The following BCL9 variants were observed in gnomAD, a reference collection of about 807,000 sequenced individuals.
BCL9 encodes the protein BCL9 transcription coactivator, also known as B-cell CLL/lymphoma 9 protein.
In BCL9, 25 loss-of-function variants were observed where a neutral mutation model predicts 88.5. The ratio of observed to expected loss-of-function variants is 0.28; its 90% CI spans 0.21 to 0.39. The LOEUF is 0.39. BCL9 is among the 10% of genes least tolerant of loss of function. BCL9 has a pLI of 1.00. For synonymous variants in BCL9, 711 were observed against 673.3 expected, an observed-to-expected ratio of 1.06 and a Z score of -0.87; for missense variants, 1,817 against 1,877.8, an observed-to-expected ratio of 0.97 and a Z score of 0.60.
In BCL9 at chr1:147,615,909, T is replaced by C; in HGVS notation, c.660+7T>C. 1 of 1,606,960 alleles carries C rather than the reference T, an allele frequency of 6.2e-7. No homozygotes were observed. The highest frequency in any genetic ancestry group is 8.5e-7 in the Non-Finnish European group (1 of 1,173,606). ...GAGAAGCACAGCGCCTCTGGTATGT[T>C]GTTTCAGAAACTGAGTAATGGTTTA... On this transcript the variant is annotated splice_region_variant and intron_variant, in intron 7 of 9. Transcript: ENST00000234739.
intron 1 of BCL9, among the ~76,000 whole-genome samples, chr1:147,596,402 C>CCTT (rs1553200479): frequency 1.4e-5 from 2 of 138,696 alleles, no homozygotes; most frequent in Admixed American, 1.5e-4. Context: ...GATTGACTTT[C>CCTT]TTTTTTTTCT....
intron 1 of BCL9, among the ~76,000 whole-genome samples, chr1:147,556,326 A>G (rs188327454): frequency 0.028 from 4,226 of 148,396 alleles, 106 homozygotes; most frequent in Non-Finnish European, 0.042. Context: ...GGATTTCACT[A>G]TGTTGGCTAG....
At chr1:147,557,612 C>T (rs1384585785) in intron 1 of BCL9, among the ~76,000 whole-genome samples, 4 of 152,028 alleles carry the variant, frequency 2.6e-5, no homozygotes, top group Non-Finnish European at 4.4e-5. Context: ...ATGAATTTCA[C>T]GTTGAACTAA....
At chr1:147,610,139 C>T (rs587702503) in intron 3 of BCL9, among the ~76,000 whole-genome samples, 1 of 148,774 alleles carries the variant, frequency 6.7e-6, no homozygotes, top group East Asian at 2.0e-4. Context: ...TTATATATGT[C>T]CAACTTGACA....
intron 1 of BCL9, among the ~76,000 whole-genome samples, chr1:147,571,821 G>A (rs1249340082): frequency 2.0e-5 from 3 of 152,186 alleles, no homozygotes; most frequent in African/African-American, 7.2e-5. Context: ...CATACCTGAA[G>A]CAGCATCTAA....
intron 1 of BCL9, among the ~76,000 whole-genome samples, chr1:147,559,824 A>G (rs1303385972): frequency 3.9e-5 from 6 of 152,332 alleles, no homozygotes; most frequent in Middle Eastern, 3.4e-3. Flanking sequence ...AAACAGATAG[A>G]AAAATAGTAT....
In BCL9 at chr1:147,619,824, G is replaced by A. The variant is rs782180435; in HGVS notation, c.1669G>A (p.Gly557Arg). 25 of 1,614,164 alleles carry A rather than the reference G, an allele frequency of 1.5e-5. No individual in the cohort carries two copies. The highest frequency in any genetic ancestry group is 2.1e-5 in the Non-Finnish European group (25 of 1,180,032). ...CATGGCTCCCCACCCCAACATGCCA[G>A]GGAGCCAGATGCGCCTCCCTGGATT... is the stretch of plus-strand genomic sequence containing the variant. ...RGMAPHPNMP[G>R]SQMRLPGFAG... Residue 557 changes from glycine (G) to arginine (R), a missense_variant, in exon 8 of 10, where the codon GGG becomes AGG. By Grantham distance (125) the Gly-to-Arg change is moderately radical. Around this residue, in one of 2 missense-constraint regions of BCL9, gnomAD observed 1,228 missense variants for 1,191.6 expected, o/e 1.03. Transcript: ENST00000234739. This position sits in a 1 kb window ranked among gnomAD's most constrained non-coding sequence, Gnocchi z 4.1.
intron 7 of BCL9, among the ~76,000 whole-genome samples, chr1:147,617,565 GA>G (rs1336743115): frequency 6.6e-6 from 1 of 152,120 alleles, no homozygotes. Flanking sequence ...GAAGTGCATG[GA>G]TACCTCAAAA....
chr1:147,607,145 A>G (rs957913392), intron 3 of BCL9, among the ~76,000 whole-genome samples: 13 of 152,132 alleles, frequency 8.5e-5, no homozygotes, highest in Admixed American at 1.3e-4. Context: ...GTTCATGTAC[A>G]TTGTTGCAGA....
chr1:147,584,058 T>TC (rs1489002968), intron 1 of BCL9, among the ~76,000 whole-genome samples: 1 of 151,932 alleles, frequency 6.6e-6, no homozygotes, highest in East Asian at 1.9e-4. Flanking sequence ...GATTCATTTT[T>TC]TTTTTTGAGA....
At position 147,624,578 on chromosome 1, in the gene BCL9, G is replaced by C. The variant is rs1303893564; in HGVS notation, c.3900G>C (p.Pro1300=). The C allele has an allele frequency of 6.2e-7, 1 of 1,614,146 alleles. No individual in the cohort carries two copies. The highest frequency in any genetic ancestry group is 1.7e-5 in the Admixed American group (1 of 60,024). ...GMGGPGPVGT[P]DIPLGTAPSM... is the part of the protein sequence containing the mutation. ...GAGGTCCAGGGCCAGTGGGAACTCC[G>C]GACATCCCTCTTGGTACAGCTCCAT... Residue 1300 remains proline (P), a synonymous_variant, in exon 10 of 10, where the codon CCG becomes CCC. Coordinates refer to ENST00000234739, the MANE Select transcript of BCL9 (RefSeq NM_004326.4). This position sits in a 1 kb window ranked among gnomAD's most constrained non-coding sequence, Gnocchi z 4.4.
At chr1:147,554,395 A>G (rs1655015022) in intron 1 of BCL9, among the ~76,000 whole-genome samples, 1 of 152,194 alleles carries the variant, frequency 6.6e-6, no homozygotes, top group African/African-American at 2.4e-5. Flanking sequence ...ACATTGTATA[A>G]ATTTATTTAA....
At chr1:147,554,051 G>A (rs749019926) in intron 1 of BCL9, among the ~76,000 whole-genome samples, 3 of 152,200 alleles carry the variant, frequency 2.0e-5, no homozygotes, top group Non-Finnish European at 4.4e-5. Flanking sequence ...TCTGCTCACT[G>A]TGCACCAGCA....
chr1:147,624,770 G>T lies in BCL9; in HGVS notation c.4092G>T (p.Gly1364=). 6.2e-7 allele frequency: 1 copy of T among 1,614,100 alleles called. No individual in the cohort carries two copies. The highest frequency in any genetic ancestry group is 1.1e-5 in the South Asian group (1 of 91,082). The part of the protein sequence containing the change: ...AVGMIPGKDR[G]PAGLYTHPGP... ...GCATGATTCCTGGCAAGGATCGGGG[G>T]CCTGCCGGGCTCTACACCCACCCTG... Residue 1364 remains glycine, a synonymous_variant, in exon 10 of 10, where the codon GGG becomes GGT. Coordinates refer to ENST00000234739, the MANE Select transcript of BCL9 (RefSeq NM_004326.4). The surrounding 1 kb of genome is among the most constrained non-coding windows in gnomAD (Gnocchi z 4.4).
Position 147,619,927 on chromosome 1 carries a change from G to A in BCL9, c.1772G>A (p.Ser591Asn). ...TCTAGACCAGGTCTTTCTGGAGTCA[G>A]TTGGCCAGATGATGTGCCAAAAATC... ...PASRPGLSGVSWPDDVPKIPD... is the reference protein window; with the variant it reads ...PASRPGLSGVNWPDDVPKIPD... The change falls in exon 8 of 10, where the codon AGT (serine) becomes AAT (asparagine). Residue 591 changes from serine (S) to asparagine (N), a missense_variant. Ser to Asn is a conservative substitution (Grantham distance 46, BLOSUM62 1). Transcript: ENST00000234739. This position sits in a 1 kb window ranked among gnomAD's most constrained non-coding sequence, Gnocchi z 4.1. 5 of 1,614,212 alleles carry A rather than the reference G, an allele frequency of 3.1e-6. No homozygotes were observed. The highest frequency in any genetic ancestry group is 4.2e-6 in the Non-Finnish European group (5 of 1,180,042).
At chr1:147,592,772 C>T (rs1020559917) in intron 1 of BCL9, among the ~76,000 whole-genome samples, 4 of 152,128 alleles carry the variant, frequency 2.6e-5, no homozygotes, top group Non-Finnish European at 4.4e-5. Flanking sequence ...CAACATTTAT[C>T]GGGCACTTAA....
At chr1:147,607,588 G>A (rs1488933031) in intron 3 of BCL9, among the ~76,000 whole-genome samples, 1 of 152,186 alleles carries the variant, frequency 6.6e-6, no homozygotes, top group Non-Finnish European at 1.5e-5. Flanking sequence ...ATGGCATTAA[G>A]GGATTCTTCT....
rs376211408 is a variant in BCL9 at position 147,613,165 on chromosome 1, T to G, written c.336T>G (p.Asp112Glu). The change falls in exon 5 of 10, where the codon GAT (aspartate) becomes GAG (glutamate). Residue 112 changes from aspartate to glutamate, a missense_variant. Asp to Glu is a conservative substitution (Grantham distance 45, BLOSUM62 2). Transcript: ENST00000234739. ...CCGCCGACTCCTTTGATCAGAGAGA[T>G]CCTGGGACTCCAAACGATGACTCTG... ...SISADSFDQR[D>E]PGTPNDDSDI... 1 of 1,614,178 alleles carries G rather than the reference T, an allele frequency of 6.2e-7. No homozygotes were observed. Among genetic ancestry groups the G allele is most frequent in the East Asian group, 2.2e-5 (1 of 44,876 alleles).
chr1:147,549,619 A>G (rs1437376465), intron 1 of BCL9, among the ~76,000 whole-genome samples: 1 of 152,180 alleles, frequency 6.6e-6, no homozygotes. Flanking sequence ...TTCATTTTCT[A>G]AAAAAGGTTT....
Sources: allele counts gnomAD v4.1 joint callset (sites outside exome capture counted in the v4.1 genomes callset), GRCh38; gene constraint gnomAD v4.1.1; regional missense constraint gnomAD v4.1.1; non-coding constraint Gnocchi (gnomAD v3.1); transcripts MANE v1.5; gene names NCBI Gene and HGNC (gene_info 2026-07-23, HGNC 2026-07-21).